The following FHIT variants were observed in gnomAD, a reference collection of about 807,000 sequenced individuals.
The protein encoded by FHIT is bis(5'-adenosyl)-triphosphatase.
A neutral mutation model predicts 17.9 loss-of-function variants in FHIT; 19 were observed. That is an observed-to-expected ratio of 1.06 (90% CI 0.74 to 1.56). The LOEUF (loss-of-function observed/expected upper bound fraction) is 1.56, where lower values mean the gene tolerates loss of function less well. Ranked by LOEUF, FHIT falls within the 40% of genes most tolerant of loss-of-function variation. The probability of loss-of-function intolerance (pLI) is 0.00; values close to 1 mark genes in which losing one functional copy is unlikely to be tolerated. For missense variants in FHIT, 248 were observed against 189.2 expected, an observed-to-expected ratio of 1.31 and a Z score of -1.82; for synonymous variants, 81 against 69.7, an observed-to-expected ratio of 1.16 and a Z score of -0.81.
chr3:60,446,722 G>C (rs1019284171), intron 5 of FHIT, among the ~76,000 whole-genome samples: 6 of 151,940 alleles, frequency 3.9e-5, no homozygotes, highest in African/African-American at 1.2e-4. Flanking sequence ...GTATGCTCAT[G>C]CACACTTATA....
chr3:60,760,532 T>A (rs1310223548), intron 4 of FHIT, among the ~76,000 whole-genome samples: 1 of 152,194 alleles, frequency 6.6e-6, no homozygotes, highest in Admixed American at 6.5e-5. Flanking sequence ...TTCATATGAA[T>A]CCACAAATCC....
At chr3:60,112,922 T>C (rs1301871790) in intron 5 of FHIT, among the ~76,000 whole-genome samples, 1 of 152,190 alleles carries the variant, frequency 6.6e-6, no homozygotes, top group Non-Finnish European at 1.5e-5. Context: ...ATTTGCTGAC[T>C]CACAGTCGAA....
At chr3:59,774,484 A>T (rs1459582616) in intron 8 of FHIT, among the ~76,000 whole-genome samples, 1 of 152,230 alleles carries the variant, frequency 6.6e-6, no homozygotes, top group African/African-American at 2.4e-5. Context: ...ATCTGAAAAC[A>T]GAAGATGAGC....
intron 4 of FHIT, among the ~76,000 whole-genome samples, chr3:60,794,805 T>G (rs1197472094): frequency 6.6e-6 from 1 of 152,244 alleles, no homozygotes; most frequent in Non-Finnish European, 1.5e-5. Flanking sequence ...CCATATTACA[T>G]TGGCTTCATA....
intron 6 of FHIT, among the ~76,000 whole-genome samples, chr3:60,013,394 T>G (rs984064416): frequency 6.6e-6 from 1 of 152,182 alleles, no homozygotes; most frequent in African/African-American, 2.4e-5. Flanking sequence ...GCTCATGGTA[T>G]GTTACTACGG....
intron 5 of FHIT, among the ~76,000 whole-genome samples, chr3:60,372,300 C>CCA (rs554698106): frequency 2.8e-3 from 427 of 152,264 alleles, no homozygotes; most frequent in African/African-American, 0.01. Flanking sequence ...GCATAGAGCA[C>CCA]CACCCCTTCA....
chr3:60,128,506 A>T (rs13087782), intron 5 of FHIT, among the ~76,000 whole-genome samples: 1 of 152,120 alleles, frequency 6.6e-6, no homozygotes, highest in East Asian at 1.9e-4. Flanking sequence ...CCAGTCTCGG[A>T]TATGTCTATT....
intron 5 of FHIT, among the ~76,000 whole-genome samples, chr3:60,216,134 T>C (rs1703686265): frequency 6.6e-6 from 1 of 152,178 alleles, no homozygotes; most frequent in South Asian, 2.1e-4. Flanking sequence ...GCCAAAAGCT[T>C]TGACCATGAA....
At chr3:61,134,100 T>TACACACACACACACACACACACAC (rs150931006) in intron 2 of FHIT, among the ~76,000 whole-genome samples, 4,365 of 134,780 alleles carry the variant, frequency 0.032, 150 homozygotes, top group South Asian at 0.063. Flanking sequence ...CACACACACA[T>TACACACACACACACACACACACAC]ACACACACAC....
At chr3:60,112,659 G>A (rs1398841407) in intron 5 of FHIT, among the ~76,000 whole-genome samples, 1 of 152,182 alleles carries the variant, frequency 6.6e-6, no homozygotes, top group Non-Finnish European at 1.5e-5. Context: ...AAGAGAATCT[G>A]AGAAATGATG....
intron 8 of FHIT, among the ~76,000 whole-genome samples, chr3:59,839,402 T>A (rs2106741407): frequency 6.6e-6 from 1 of 152,230 alleles, no homozygotes; most frequent in South Asian, 2.1e-4. Flanking sequence ...ATTATTTCAC[T>A]ATTTCACAAC....
intron 3 of FHIT, among the ~76,000 whole-genome samples, chr3:60,986,337 T>C (rs1388152754): frequency 1.3e-5 from 2 of 152,156 alleles, no homozygotes; most frequent in East Asian, 3.9e-4. Context: ...GATTAAGAGG[T>C]TGCAGAGGCT....
intron 7 of FHIT, among the ~76,000 whole-genome samples, chr3:59,941,979 C>G (rs1671149368): frequency 6.6e-6 from 1 of 152,216 alleles, no homozygotes; most frequent in South Asian, 2.1e-4. Context: ...ACTTTTCCCT[C>G]AAGTGCCTTC....
rs1705425964 is a variant in FHIT at position 60,124,063 on chromosome 3, G to GAC, written c.104-109912_104-109911insGT. 5.3e-4 allele frequency among the ~76,000 whole-genome samples: 62 copies of GAC among 117,620 alleles called. 1 individual carries two copies. Among genetic ancestry groups the GAC allele is most frequent in the African/African-American group, 1.8e-3 (57 of 32,424 alleles). 77.2% of individuals were successfully genotyped at this position (117,620 alleles called of 152,430 possible). A position where few individuals can be genotyped will look rare whatever the true frequency, so the allele number is the denominator to read the frequency against. On this transcript the variant is annotated intron_variant, in intron 5 of 9. Coordinates refer to ENST00000492590, the MANE Select transcript of FHIT (RefSeq NM_002012.4). ...AGAGAGAGAGAGAGAGAGACAGAGAGAGAGAGAGATACAAAGTCTCACTCT... is the reference window on the plus strand; with the variant it reads ...AGAGAGAGAGAGAGAGAGACAGAGAGACAGAGAGAGATACAAAGTCTCACTCT...
chr3:60,485,644 G>T (rs1378866570), intron 5 of FHIT, among the ~76,000 whole-genome samples: 2 of 151,520 alleles, frequency 1.3e-5, no homozygotes, highest in Non-Finnish European at 2.9e-5. Flanking sequence ...ACACACCAAG[G>T]CCTGTTGGGG....
chr3:59,943,201 A>C (rs1478652888), intron 7 of FHIT, among the ~76,000 whole-genome samples: 1 of 152,198 alleles, frequency 6.6e-6, no homozygotes, highest in African/African-American at 2.4e-5. Context: ...AATAGGAATC[A>C]GGAAGCTGAT....
chr3:59,872,948 C>T (rs933854340), intron 8 of FHIT, among the ~76,000 whole-genome samples: 2 of 152,228 alleles, frequency 1.3e-5, no homozygotes, highest in Non-Finnish European at 2.9e-5. Flanking sequence ...TTTGACAACA[C>T]TAGTCTTTCA....
intron 5 of FHIT, among the ~76,000 whole-genome samples, chr3:60,366,153 TA>T (rs1230526425): frequency 6.6e-6 from 1 of 152,126 alleles, no homozygotes; most frequent in Non-Finnish European, 1.5e-5. Context: ...TGAATTTTGG[TA>T]AAAGGAAAAA....
chr3:60,694,321 G>C (rs1193301297), intron 4 of FHIT, among the ~76,000 whole-genome samples: 2 of 151,820 alleles, frequency 1.3e-5, no homozygotes, highest in African/African-American at 4.8e-5. Context: ...AGGAAAGAAA[G>C]AAAGAAAACA....
Sources: allele counts gnomAD v4.1 joint callset (sites outside exome capture counted in the v4.1 genomes callset), GRCh38; gene constraint gnomAD v4.1.1; transcripts MANE v1.5; gene names NCBI Gene and HGNC (gene_info 2026-07-23, HGNC 2026-07-21).